PPP2R5C: variants seen among roughly 807,000 people sequenced by gnomAD.
PPP2R5C encodes protein phosphatase 2 regulatory subunit B'gamma, also known as serine/threonine-protein phosphatase 2A 56 kDa regulatory subunit gamma isoform.
In PPP2R5C, 7 loss-of-function variants were observed where a neutral mutation model predicts 68.9. The ratio of observed to expected loss-of-function variants is 0.10; its 90% CI spans 0.06 to 0.19. The LOEUF (loss-of-function observed/expected upper bound fraction) is 0.19, where lower values mean the gene tolerates loss of function less well. Among genes scored for constraint, PPP2R5C ranks in the 10% least tolerant of loss-of-function variants. PPP2R5C has a pLI of 1.00. For missense variants in PPP2R5C, 348 were observed against 641.3 expected (o/e 0.54, Z 4.94); for synonymous variants, 210 against 222.2 (o/e 0.95, Z 0.49).
intron 2 of PPP2R5C, among the ~76,000 whole-genome samples, chr14:101,777,410 C>T (rs757371436): frequency 2.0e-5 from 3 of 152,004 alleles, no homozygotes; most frequent in Non-Finnish European, 2.9e-5. Context: ...AGTATAGTGG[C>T]GCCATCTCAG....
chr14:101,875,846 G>A (rs1235560635), intron 2 of PPP2R5C, among the ~76,000 whole-genome samples: 1 of 152,152 alleles, frequency 6.6e-6, no homozygotes, highest in Non-Finnish European at 1.5e-5. Context: ...CCACATCAAA[G>A]GTTCCTCCGT....
chr14:101,797,120 T>G lies in PPP2R5C; in HGVS notation c.259+10937T>G. On this transcript the variant is annotated intron_variant, in intron 3 of 14. Coordinates refer to the PPP2R5C transcript ENST00000328724. This position sits in a 1 kb window ranked among gnomAD's most constrained non-coding sequence, Gnocchi z 4.2. ...CCATTCTGCTTTCTGTCTCTATGAT[T>G]TTGCCCACAGTAGGAGCCTCTTAGA... 2.2e-6 allele frequency: 1 copy of G among 455,478 alleles called. No individual in the cohort carries two copies. The highest frequency in any genetic ancestry group is 1.5e-5 in the South Asian group (1 of 64,558). 28.2% of individuals were successfully genotyped at this position (455,478 alleles called of 1,614,324 possible).
intron 13 of PPP2R5C, among the ~76,000 whole-genome samples, chr14:101,923,030 T>A (rs1439134017): frequency 1.3e-5 from 2 of 152,134 alleles, no homozygotes; most frequent in African/African-American, 4.8e-5. Context: ...AGAGGCCACC[T>A]CTCTCTGACT....
chr14:101,831,845 A>G (rs1227222179), intron 1 of PPP2R5C: 2 of 675,946 alleles, frequency 3.0e-6, no homozygotes, highest in African/African-American at 1.8e-5. Context: ...AACATGGACC[A>G]CTGTAGTCTG....
intron 1 of PPP2R5C, among the ~76,000 whole-genome samples, chr14:101,842,942 T>G (rs2041587370): frequency 1.3e-5 from 2 of 152,042 alleles, no homozygotes; most frequent in Admixed American, 1.3e-4. Flanking sequence ...ACAGGCATTT[T>G]GGGCTGGGCA....
In PPP2R5C at chr14:101,802,055, A is replaced by G. The variant is rs116700631; in HGVS notation, c.259+15872A>G. Reference sequence around the variant, plus strand: ...TTGACAAGGTTTCCTAGACCATTCAATGGGGAAAACACAGTCTTTTCAACA... The same window carrying G: ...TTGACAAGGTTTCCTAGACCATTCAGTGGGGAAAACACAGTCTTTTCAACA... On this transcript the variant is annotated intron_variant, in intron 3 of 14. Transcript: ENST00000328724. 5.9e-5 allele frequency among the ~76,000 whole-genome samples: 9 copies of G among 152,320 alleles called. No individual in the cohort carries two copies. In the East Asian group the frequency reaches 1.7e-3, roughly 29 times the overall value.
At chr14:101,912,344 A>G in intron 11 of PPP2R5C, 57 bp from the exon 14 acceptor site, 2 of 1,437,496 alleles carry the variant, frequency 1.4e-6, no homozygotes, top group Non-Finnish European at 1.9e-6. Flanking sequence ...TTTCCCCTTC[A>G]GTGTGTTCTT....
intron 3 of PPP2R5C, among the ~76,000 whole-genome samples, chr14:101,794,161 G>A (rs2059782993): frequency 6.6e-6 from 1 of 152,170 alleles, no homozygotes; most frequent in South Asian, 2.1e-4. Context: ...GCCCTCACAA[G>A]GGACGTGCCC....
intron 1 of PPP2R5C, among the ~76,000 whole-genome samples, chr14:101,821,791 C>T (rs2040088519): frequency 6.6e-6 from 1 of 151,948 alleles, no homozygotes; most frequent in Admixed American, 6.6e-5. Flanking sequence ...GAAGGTGGAG[C>T]TGTCACAGAC....
In PPP2R5C at chr14:101,879,934, T is replaced by G. The variant is rs2044050996; in HGVS notation, c.295-2227T>G. On this transcript the variant is annotated intron_variant, in intron 2 of 13. Coordinates refer to ENST00000334743, the Ensembl canonical transcript of PPP2R5C. This position sits in a 1 kb window ranked among gnomAD's most constrained non-coding sequence, Gnocchi z 4.2. ...CCAAAGTGTGTGTGTGTGTGGCCTT[T>G]CCTTAATAGTTGAGCTTTTAGCATC... Among the ~76,000 whole-genome samples, 1 of 152,210 alleles carries G rather than the reference T, an allele frequency of 6.6e-6. No individual in the cohort carries two copies. The highest frequency in any genetic ancestry group is 1.5e-5 in the Non-Finnish European group (1 of 68,042).
chr14:101,802,216 C>T (rs796765919), intron 3 of PPP2R5C, among the ~76,000 whole-genome samples: 72 of 152,252 alleles, frequency 4.7e-4, no homozygotes, highest in African/African-American at 1.7e-3. Context: ...AGATCGAGAC[C>T]ATCCTGACCA....
intron 2 of PPP2R5C, among the ~76,000 whole-genome samples, chr14:101,875,630 GAGTTCTGGTGCCATGAAAGC>G (rs925199781): frequency 6.6e-6 from 1 of 152,208 alleles, no homozygotes. Context: ...GATGATAGCT[GAGTTCTGGTGCCATGAAAGC>G]AGATTCAAAC....
At chr14:101,806,969 A>G (rs2039103253), upstream of PPP2R5C, among the ~76,000 whole-genome samples, 1 of 152,182 alleles carries the variant, frequency 6.6e-6, no homozygotes, top group Admixed American at 6.5e-5. Context: ...CTCCAAAAAA[A>G]CAAACCACAG....
intron 3 of PPP2R5C, among the ~76,000 whole-genome samples, chr14:101,793,651 A>G (rs2038471778): frequency 6.6e-6 from 1 of 152,242 alleles, no homozygotes; most frequent in East Asian, 1.9e-4. Flanking sequence ...TAGCTCTGCC[A>G]TCCATGGATG....
chr14:101,811,487 C>T (rs1566858356), intron 1 of PPP2R5C, among the ~76,000 whole-genome samples: 4 of 152,022 alleles, frequency 2.6e-5, no homozygotes, highest in African/African-American at 4.8e-5. Context: ...ACTTCAGGCA[C>T]GCACCACCAT....
intron 2 of PPP2R5C, among the ~76,000 whole-genome samples, chr14:101,860,912 G>A (rs1430294474): frequency 1.3e-5 from 2 of 152,200 alleles, no homozygotes; most frequent in African/African-American, 2.4e-5. Context: ...TCAGAGAGAT[G>A]CGGGTGGTGA....
chr14:101,901,853 G>T, exon 9 of PPP2R5C: 1 of 1,614,212 alleles, frequency 6.2e-7, no homozygotes, highest in Non-Finnish European at 8.5e-7. Flanking sequence ...CCCTCTTCCG[G>T]CAGTTGGCCA....
At chr14:101,914,244 A>T in intron 12 of PPP2R5C, 1 of 454,370 alleles carries the variant, frequency 2.2e-6, no homozygotes. Context: ...CCTTGTCCTC[A>T]TGTCTGTGTT....
intron 2 of PPP2R5C, among the ~76,000 whole-genome samples, chr14:101,768,200 G>A (rs996999259): frequency 5.9e-5 from 9 of 152,220 alleles, no homozygotes; most frequent in South Asian, 2.1e-4. Context: ...GGATCAAATC[G>A]CCCCCTGTTG....
Sources: allele counts gnomAD v4.1 joint callset (sites outside exome capture counted in the v4.1 genomes callset), GRCh38; gene constraint gnomAD v4.1.1; non-coding constraint Gnocchi (gnomAD v3.1); transcripts MANE v1.5; gene names NCBI Gene and HGNC (gene_info 2026-07-23, HGNC 2026-07-21).